The following PAK5 variants were observed in gnomAD, a reference collection of about 807,000 sequenced individuals.
The protein encoded by PAK5 is p21 (RAC1) activated kinase 5.
Under a neutral mutation model 65.9 loss-of-function variants are expected in PAK5, and 16 were observed. The observed-to-expected ratio is 0.24, with a 90% CI of 0.16 to 0.37. PAK5 has a LOEUF of 0.37. PAK5 is among the 10% of genes least tolerant of loss of function. PAK5 has a pLI of 1.00. For missense variants in PAK5, 785 were observed against 903.9 expected (o/e 0.87, Z 1.69); for synonymous variants, 371 against 354.9 (o/e 1.05, Z -0.51).
At chr20:9,607,704 C>G (rs1661051473) in intron 3 of PAK5, among the ~76,000 whole-genome samples, 1 of 151,952 alleles carries the variant, frequency 6.6e-6, no homozygotes, top group African/African-American at 2.4e-5. Context: ...CATGTGCCTG[C>G]AGTCCCAGCT....
chr20:9,711,091 C>G (rs1302963044), intron 2 of PAK5, among the ~76,000 whole-genome samples, 195 bp downstream of exon 2: 1 of 152,186 alleles, frequency 6.6e-6, no homozygotes, highest in East Asian at 1.9e-4. Flanking sequence ...CTTACACTTT[C>G]CACTAGAATG....
chr20:9,635,034 A>G (rs960298111), intron 3 of PAK5, among the ~76,000 whole-genome samples: 1 of 152,200 alleles, frequency 6.6e-6, no homozygotes, highest in African/African-American at 2.4e-5. Flanking sequence ...GGCATTTTTG[A>G]CAAGAGGTTT....
At chr20:9,612,158 C>T (rs757464015) in intron 3 of PAK5, among the ~76,000 whole-genome samples, 11 of 152,176 alleles carry the variant, frequency 7.2e-5, no homozygotes, top group Non-Finnish European at 1.3e-4. Context: ...AAATCTAATG[C>T]TCTCAATGAG....
chr20:9,585,471 G>A (rs1049333313), intron 3 of PAK5, among the ~76,000 whole-genome samples: 2 of 152,184 alleles, frequency 1.3e-5, no homozygotes, highest in Non-Finnish European at 2.9e-5. Context: ...GTTGGTGTGT[G>A]ACATCACAAC....
chr20:9,618,606 G>T (rs183845660), intron 3 of PAK5, among the ~76,000 whole-genome samples: 6 of 151,568 alleles, frequency 4.0e-5, no homozygotes, highest in Admixed American at 1.3e-4. Flanking sequence ...GTAGAGATGG[G>T]GTTTCACCAT....
At chr20:9,769,396 T>C (rs1324266629) in intron 1 of PAK5, among the ~76,000 whole-genome samples, 1 of 152,248 alleles carries the variant, frequency 6.6e-6, no homozygotes, top group Non-Finnish European at 1.5e-5. Flanking sequence ...CCAGTCTGCA[T>C]AACTACACAG....
intron 6 of PAK5, among the ~76,000 whole-genome samples, chr20:9,559,632 C>T (rs777746505): frequency 2.6e-5 from 4 of 151,900 alleles, no homozygotes; most frequent in African/African-American, 7.3e-5. Flanking sequence ...GCATGGTGGC[C>T]GGCGCTCGTA....
chr20:9,783,595 G>T (rs2048964248), intron 1 of PAK5, among the ~76,000 whole-genome samples: 1 of 152,102 alleles, frequency 6.6e-6, no homozygotes. Flanking sequence ...CCTCAGGAAA[G>T]GTGTCTGTTT....
At chr20:9,582,267 T>C (rs1032423300) in intron 3 of PAK5, among the ~76,000 whole-genome samples, 4 of 152,188 alleles carry the variant, frequency 2.6e-5, no homozygotes, top group African/African-American at 9.7e-5. Context: ...ATTACATTTA[T>C]TTGTTATATC....
At chr20:9,565,807 G>T in intron 5 of PAK5, 86 bp downstream of exon 5, 1 of 1,326,498 alleles carries the variant, frequency 7.5e-7, no homozygotes, top group Non-Finnish European at 1.0e-6. Flanking sequence ...CTTTTCTAAT[G>T]TCCTAAAATG....
chr20:9,541,123 T>C lies in PAK5; in HGVS notation c.2004+1463A>G, dbSNP rs2045255922. Among the ~76,000 whole-genome samples, 4 of 152,132 alleles carry C rather than the reference T, an allele frequency of 2.6e-5. No homozygotes were observed. The South Asian group carries it at 8.3e-4, about 32-fold the overall frequency. ...TGTTTTTGTAGGTCCACACAACCTA[T>C]ATGAGTGATGCTACTGGGGCTGTTC... On this transcript the variant is annotated intron_variant, in intron 9 of 9. Transcript: ENST00000353224.
At chr20:9,722,219 C>G (rs2048223341) in intron 1 of PAK5, among the ~76,000 whole-genome samples, 2 of 152,062 alleles carry the variant, frequency 1.3e-5, no homozygotes, top group African/African-American at 2.4e-5. Flanking sequence ...AAATGTCATC[C>G]AGGCCAGGGA....
chr20:9,832,577 T>C (rs186072523), intron 1 of PAK5, among the ~76,000 whole-genome samples: 1 of 152,302 alleles, frequency 6.6e-6, no homozygotes, highest in East Asian at 1.9e-4. Context: ...CTGGCAGACA[T>C]TTTGATAAGT....
intron 3 of PAK5, among the ~76,000 whole-genome samples, chr20:9,603,639 C>T (rs985140728): frequency 6.6e-6 from 1 of 152,200 alleles, no homozygotes; most frequent in African/African-American, 2.4e-5. Context: ...TAGGGCTTTC[C>T]TGACTCCAGA....
chr20:9,640,029 T>C (rs2047031175), intron 3 of PAK5, among the ~76,000 whole-genome samples: 1 of 152,180 alleles, frequency 6.6e-6, no homozygotes, highest in African/African-American at 2.4e-5. Flanking sequence ...AGACGGCACA[T>C]GTCCTGGGTC....
At chr20:9,734,570 A>ACACACACACG (rs1217084491) in intron 1 of PAK5, among the ~76,000 whole-genome samples, 1 of 146,178 alleles carries the variant, frequency 6.8e-6, no homozygotes, top group Admixed American at 6.9e-5. Flanking sequence ...ACACACACAC[A>ACACACACACG]CACATACACA....
intron 2 of PAK5, among the ~76,000 whole-genome samples, chr20:9,662,850 A>G (rs1203583552): frequency 3.3e-5 from 5 of 152,204 alleles, no homozygotes; most frequent in Non-Finnish European, 5.9e-5. Flanking sequence ...AAAGCTAAGT[A>G]TCAGAATGAA....
chr20:9,564,545 T>A (rs758123725), intron 5 of PAK5, among the ~76,000 whole-genome samples: 2 of 152,216 alleles, frequency 1.3e-5, no homozygotes, highest in African/African-American at 4.8e-5. Flanking sequence ...AGAGATAACA[T>A]GACAGTCTCA....
chr20:9,542,127 T>A (rs915804203), intron 9 of PAK5, among the ~76,000 whole-genome samples: 1 of 152,224 alleles, frequency 6.6e-6, no homozygotes, highest in African/African-American at 2.4e-5. Flanking sequence ...TTTTCTTTCA[T>A]AGTATGTACC....
Sources: allele counts gnomAD v4.1 joint callset (sites outside exome capture counted in the v4.1 genomes callset), GRCh38; gene constraint gnomAD v4.1.1; transcripts MANE v1.5; gene names NCBI Gene and HGNC (gene_info 2026-07-23, HGNC 2026-07-21).